GDPD5: variants seen among roughly 807,000 people sequenced by gnomAD.
GDPD5 encodes glycerophosphodiester phosphodiesterase 2.
In GDPD5, 48 loss-of-function variants were observed where a neutral mutation model predicts 75.1. The ratio of observed to expected loss-of-function variants is 0.64; its 90% CI spans 0.51 to 0.81. The LOEUF is 0.81. GDPD5 is among the 40% of genes least tolerant of loss of function. GDPD5 has a pLI of 0.00. For missense variants in GDPD5, 706 were observed against 822.6 expected, an observed-to-expected ratio of 0.86 and a Z score of 1.73; for synonymous variants, 336 against 339.0, an observed-to-expected ratio of 0.99 and a Z score of 0.10.
chr11:75,522,877 C>A (rs941865466), intron 1 of GDPD5, among the ~76,000 whole-genome samples: 6 of 152,098 alleles, frequency 3.9e-5, no homozygotes, highest in Admixed American at 6.5e-5. Flanking sequence ...GCCCTGCCAG[C>A]AGGAAGCCAA....
intron 13 of GDPD5, 82 bp downstream of exon 13, chr11:75,441,561 TGTG>T: frequency 8.0e-7 from 1 of 1,256,602 alleles, no homozygotes; most frequent in Non-Finnish European, 1.1e-6. Context: ...TGTGTGTGTG[TGTG>T]TGTGTTGGGG....
intron 2 of GDPD5, among the ~76,000 whole-genome samples, chr11:75,479,948 A>G (rs185822953): frequency 2.0e-5 from 3 of 152,308 alleles, no homozygotes; most frequent in Admixed American, 2.0e-4. Flanking sequence ...TTATCCATTG[A>G]TCAGCTGATG....
intron 15 of GDPD5, chr11:75,437,927 G>C (rs758931448): frequency 6.6e-6 from 1 of 152,282 alleles, no homozygotes; most frequent in Non-Finnish European, 1.5e-5. Context: ...CCCACCAGGA[G>C]GAGGGGGTGA....
Position 75,441,675 on chromosome 11 carries a change from G to T in GDPD5, c.1296C>A (p.Arg432=). ...RRGHIQRLNL[R]YTQVSRQELR... ...GCTCCTGGCGGGACACCTGAGTGTA[G>T]CGCAGGTTCAGCCGCTGGATGTGGC... The change falls in exon 13 of 17, where the codon CGC becomes CGA. Residue 432 remains arginine (R), a synonymous_variant. Transcript: ENST00000336898. 1 of 1,599,946 alleles carries T rather than the reference G, an allele frequency of 6.3e-7. No individual in the cohort carries two copies.
At chr11:75,470,505 C>T (rs1476121616) in intron 3 of GDPD5, among the ~76,000 whole-genome samples, 1 of 152,164 alleles carries the variant, frequency 6.6e-6, no homozygotes, top group Non-Finnish European at 1.5e-5. Flanking sequence ...TCATTGCTTA[C>T]ATTTCAATCT....
chr11:75,518,481 C>T (rs920845583), intron 1 of GDPD5, among the ~76,000 whole-genome samples: 2 of 152,210 alleles, frequency 1.3e-5, no homozygotes, highest in African/African-American at 4.8e-5. Flanking sequence ...CTACTGATGC[C>T]TGGGTCATGC....
chr11:75,456,968 CCCCAG>C (rs1949298657), intron 5 of GDPD5, 152 bp from the exon 6 acceptor site: 2 of 718,632 alleles, frequency 2.8e-6, no homozygotes, highest in East Asian at 5.4e-5. Context: ...GCGCTGCCCT[CCCCAG>C]CCCAGCCCAG....
intron 1 of GDPD5, among the ~76,000 whole-genome samples, chr11:75,504,895 A>G (rs1159018871): frequency 6.6e-6 from 1 of 152,194 alleles, no homozygotes; most frequent in Non-Finnish European, 1.5e-5. Flanking sequence ...TGGGAGGCCG[A>G]GGCAGGCGGA....
intron 12 of GDPD5, among the ~76,000 whole-genome samples, chr11:75,442,055 T>G (rs1592059843): frequency 6.6e-6 from 1 of 152,254 alleles, no homozygotes; most frequent in East Asian, 1.9e-4. Context: ...ACTCTGCACA[T>G]GGCCACTAGC....
rs145645500 is a variant in GDPD5, at chr11:75,521,227, T to C, written c.-145+3983A>G. ...GTGCACGGCCTAGGGCCCAGGTCCT[T>C]CCTGGGCCCCATGCTCAGTCCAACA... On this transcript the variant is annotated intron_variant, in intron 1 of 16. Coordinates refer to ENST00000336898, the MANE Select transcript of GDPD5 (RefSeq NM_030792.8). Among the ~76,000 whole-genome samples the C allele has an allele frequency of 2.4e-3, 360 of 152,296 alleles. 2 individuals are homozygous for C. The highest frequency in any genetic ancestry group is 0.01 in the Middle Eastern group (3 of 294).
At chr11:75,435,894 C>A (rs1948612890) in intron 16 of GDPD5, among the ~76,000 whole-genome samples, 2 of 152,212 alleles carry the variant, frequency 1.3e-5, no homozygotes, top group African/African-American at 4.8e-5. Context: ...CCACCTGTGC[C>A]CCTGAGCTTG....
In GDPD5 at chr11:75,496,779, C is replaced by CTTTCTTTTTT. The variant is rs58663409; in HGVS notation, c.-144-6460_-144-6459insAAAAAAGAAA. Among the ~76,000 whole-genome samples, 292 of 103,136 alleles carry CTTTCTTTTTT rather than the reference C, an allele frequency of 2.8e-3. 1 individual carries two copies. Among genetic ancestry groups the CTTTCTTTTTT allele is most frequent in the East Asian group, 5.0e-3 (15 of 3,000 alleles). 67.7% of individuals were successfully genotyped at this position (103,136 alleles called of 152,430 possible). On this transcript the variant is annotated intron_variant, in intron 1 of 16. Transcript: ENST00000336898. ...TTCTTTTTTTTTCTTTTCTTTCTTT[C>CTTTCTTTTTT]TTTTTTTTTTTTTTTTTTTGTGACG...
Position 75,439,945 on chromosome 11 carries a change from C to G in GDPD5, c.1490G>C (p.Cys497Ser). 6.2e-7 allele frequency: 1 copy of G among 1,613,812 alleles called. No individual in the cohort carries two copies. Among genetic ancestry groups the G allele is most frequent in the Non-Finnish European group, 8.5e-7 (1 of 1,179,816 alleles). ...CAGGTCGGCAGTGACCCACATGAGACAGTACTCGTCCGGGGGCTGTGGACA... is the reference window on the plus strand; with the variant it reads ...CAGGTCGGCAGTGACCCACATGAGAGAGTACTCGTCCGGGGGCTGTGGACA... ...PLWIMPPDEY[C>S]LMWVTADLVS... The change falls in exon 15 of 17, where the codon TGT becomes TCT. Residue 497 changes from cysteine to serine, a missense_variant. Physicochemically the swap from Cys to Ser is moderately radical, Grantham distance 112 (BLOSUM62 -1). Coordinates refer to ENST00000336898, the MANE Select transcript of GDPD5 (RefSeq NM_030792.8).
chr11:75,477,725 T>TCTCACCATACTCGTGCCCACGGCCCTGGC lies in GDPD5; in HGVS notation c.10_11insGCCAGGGCCGTGGGCACGAGTATGGTGAG (p.His4ArgfsTer99). 1 of 1,578,644 alleles carries TCTCACCATACTCGTGCCCACGGCCCTGGC rather than the reference T, an allele frequency of 6.3e-7. No individual in the cohort carries two copies. The highest frequency in any genetic ancestry group is 1.1e-5 in the South Asian group (1 of 88,410). On this transcript the variant is annotated frameshift_variant, in exon 3 of 17. Transcript: ENST00000336898. LOFTEE classifies it high-confidence loss of function. ...TGGCTCGTAGTACTGCAGGGGCTGG[T>TCTCACCATACTCGTGCCCACGGCCCTGGC]GTCTCACCATACTCGTGCCCACGGC...
intron 3 of GDPD5, among the ~76,000 whole-genome samples, chr11:75,467,991 T>C (rs1949559158): frequency 6.6e-6 from 1 of 152,122 alleles, no homozygotes; most frequent in Non-Finnish European, 1.5e-5. Context: ...AAAGACCTCA[T>C]TAGCAGCGGG....
At chr11:75,517,571 G>C (rs1175573127) in intron 1 of GDPD5, 1 of 152,188 alleles carries the variant, frequency 6.6e-6, no homozygotes, top group Non-Finnish European at 1.5e-5. Context: ...GTGTGAGCCC[G>C]TAGTAAAACC....
At chr11:75,441,828 C>T (rs1186483087) in intron 12 of GDPD5, 25 bp from the exon 13 acceptor site, 1 of 1,595,718 alleles carries the variant, frequency 6.3e-7, no homozygotes, top group East Asian at 2.2e-5. Flanking sequence ...GAGGCAGCCT[C>T]AGACTTCTCT....
intron 1 of GDPD5, among the ~76,000 whole-genome samples, chr11:75,502,637 C>T (rs528972280): frequency 6.6e-6 from 1 of 152,202 alleles, no homozygotes; most frequent in Non-Finnish European, 1.5e-5. Flanking sequence ...TCTGTCCCCC[C>T]ACTTGAATCT....
At chr11:75,464,346 T>C (rs1315996970) in intron 3 of GDPD5, among the ~76,000 whole-genome samples, 1 of 152,230 alleles carries the variant, frequency 6.6e-6, no homozygotes, top group Non-Finnish European at 1.5e-5. Context: ...AATGAGATAA[T>C]ACAAGTCAGG....
Sources: gnomAD v4.1 joint callset for allele counts (sites outside exome capture counted in the v4.1 genomes callset) on GRCh38, gnomAD v4.1.1 for gene constraint, MANE v1.5 for transcripts, NCBI Gene and HGNC (gene_info 2026-07-23, HGNC 2026-07-21) for gene names.